The following NR5A1 variants were observed in gnomAD, a reference collection of about 807,000 sequenced individuals.
The protein encoded by NR5A1 is nuclear receptor subfamily 5 group A member 1, also known as steroidogenic factor 1.
In NR5A1, 6 loss-of-function variants were observed where a neutral mutation model predicts 42.7. That is an observed-to-expected ratio of 0.14 (90% CI 0.08 to 0.28). The LOEUF (loss-of-function observed/expected upper bound fraction) is 0.28. NR5A1 is among the 10% of genes least tolerant of loss of function. The pLI, the probability that NR5A1 is intolerant of heterozygous loss-of-function variation, is 1.00. For missense variants in NR5A1, 442 were observed against 626.4 expected, an observed-to-expected ratio of 0.71 and a Z score of 3.14; for synonymous variants, 274 against 277.5, an observed-to-expected ratio of 0.99 and a Z score of 0.12.
rs550776591 is a variant in NR5A1 at position 124,496,416 on chromosome 9, A to C, written c.871-3267T>G. Among the ~76,000 whole-genome samples the C allele has an allele frequency of 6.6e-6, 1 of 151,958 alleles. No homozygotes were observed. The highest frequency in any genetic ancestry group is 2.4e-5 in the African/African-American group (1 of 41,402). On this transcript the variant is annotated intron_variant, in intron 4 of 6. Coordinates refer to ENST00000373588, the MANE Select transcript of NR5A1 (RefSeq NM_004959.5). The surrounding 1 kb of genome is among the most constrained non-coding windows in gnomAD (Gnocchi z 5.0). Reference sequence around the variant, plus strand: ...TGCAGCCCCAGCCCTTGGGTCTCCCACCAGCCTGGCCTGTCTGCTGGGCAC... The same window carrying C: ...TGCAGCCCCAGCCCTTGGGTCTCCCCCCAGCCTGGCCTGTCTGCTGGGCAC...
At chr9:124,494,125 C>T (rs1272192972) in intron 4 of NR5A1, among the ~76,000 whole-genome samples, 1 of 152,244 alleles carries the variant, frequency 6.6e-6, no homozygotes, top group Non-Finnish European at 1.5e-5. Context: ...CCCTCTCAGC[C>T]CGTGCCACTC....
chr9:124,503,497 C>A lies in NR5A1; in HGVS notation c.-15-87G>T. 3 of 1,118,666 alleles carry A rather than the reference C, an allele frequency of 2.7e-6. No individual in the cohort carries two copies. The highest frequency in any genetic ancestry group is 3.8e-6 in the Non-Finnish European group (3 of 797,442). 69.3% of individuals were successfully genotyped at this position (1,118,666 alleles called of 1,614,324 possible). A position where few individuals can be genotyped will look rare whatever the true frequency, so the allele number is the denominator to read the frequency against. ...CCGCCGCCCCAGCCGCTGTCGCCGGCCCGTCGCGTAATCCCCTCTCTGTGC... is the reference window on the plus strand; with the variant it reads ...CCGCCGCCCCAGCCGCTGTCGCCGGACCGTCGCGTAATCCCCTCTCTGTGC... On this transcript the variant is annotated intron_variant, in intron 1 of 6. Transcript: ENST00000373588. The surrounding 1 kb of genome is among the most constrained non-coding windows in gnomAD (Gnocchi z 9.6).
intron 6 of NR5A1, 45 bp downstream of exon 6, chr9:124,491,036 C>CCCCCCCCGGGGGGT: frequency 7.1e-7 from 1 of 1,401,600 alleles, no homozygotes; most frequent in Non-Finnish European, 9.6e-7. Context: ...CCCACCCACC[C>CCCCCCCCGGGGGGT]GCCTCTGGCT....
At chr9:124,486,651 C>G (rs1056211228) in intron 6 of NR5A1, among the ~76,000 whole-genome samples, 5 of 152,214 alleles carry the variant, frequency 3.3e-5, no homozygotes, top group African/African-American at 7.2e-5. Context: ...GACTTGCCTT[C>G]CTCCTCATCT....
At chr9:124,484,341 G>T (rs1239067583) in intron 6 of NR5A1, among the ~76,000 whole-genome samples, 1 of 152,220 alleles carries the variant, frequency 6.6e-6, no homozygotes, top group African/African-American at 2.4e-5. Flanking sequence ...TGTGCAATAG[G>T]CAGAAGTCAG....
Position 124,504,024 on chromosome 9 carries a change from C to CAGAGAGAG in NR5A1, c.-15-622_-15-615dup, listed in dbSNP as rs150663190. ...GGAGGGATGGAGAGAGACAGGGAGA[C>CAGAGAGAG]AGAGAGAGAGAGAGAGAGAGAGAGA... is the stretch of plus-strand genomic sequence containing the variant. On this transcript the variant is annotated intron_variant, in intron 1 of 6. Transcript: ENST00000373588. Among the ~76,000 whole-genome samples the CAGAGAGAG allele has an allele frequency of 3.4e-4, 36 of 105,938 alleles. 1 individual carries two copies. Among genetic ancestry groups the CAGAGAGAG allele is most frequent in the South Asian group, 8.7e-4 (3 of 3,462 alleles). 69.5% of individuals were successfully genotyped at this position (105,938 alleles called of 152,430 possible). A position where few individuals can be genotyped will look rare whatever the true frequency, so the allele number is the denominator to read the frequency against.
chr9:124,500,645 C>G lies in NR5A1; in HGVS notation c.315G>C (p.Leu105=), dbSNP rs776942073. ...GAATCTGTGCCTTCTTCTGCTGTTT[C>G]AGGGCCCGGTCCCGCTTGTACATCG... ...FGPMYKRDRA[L]KQQKKAQIRA... The change falls in exon 4 of 7, where the codon CTG becomes CTC. Residue 105 remains leucine (L), a synonymous_variant. Coordinates refer to ENST00000373588, the MANE Select transcript of NR5A1 (RefSeq NM_004959.5). The surrounding 1 kb of genome is among the most constrained non-coding windows in gnomAD (Gnocchi z 6.9). 8.1e-6 allele frequency: 13 copies of G among 1,613,406 alleles called. No homozygotes were observed. The highest frequency in any genetic ancestry group is 1.1e-5 in the South Asian group (1 of 91,082).
intron 1 of NR5A1, among the ~76,000 whole-genome samples, chr9:124,504,398 C>T (rs959267511): frequency 3.9e-5 from 6 of 152,054 alleles, no homozygotes; most frequent in Non-Finnish European, 5.9e-5. Flanking sequence ...ACGACGGCGC[C>T]GGGACCGAGA....
At chr9:124,506,145 G>A (rs1832556073) in intron 1 of NR5A1, among the ~76,000 whole-genome samples, 1 of 152,194 alleles carries the variant, frequency 6.6e-6, no homozygotes, top group Non-Finnish European at 1.5e-5. Flanking sequence ...AGAACCCCCC[G>A]CGCAGACCGC....
At chr9:124,505,162 C>T (rs1433656289) in intron 1 of NR5A1, among the ~76,000 whole-genome samples, 2 of 152,302 alleles carry the variant, frequency 1.3e-5, no homozygotes. Flanking sequence ...GCTCCCCGGA[C>T]CCCGAGCGCG....
Position 124,488,547 on chromosome 9 carries a change from A to G in NR5A1, c.1138+2534T>C, listed in dbSNP as rs1832256835. Among the ~76,000 whole-genome samples the G allele has an allele frequency of 2.0e-5, 3 of 152,192 alleles. No homozygotes were observed. In the South Asian group the frequency reaches 6.2e-4, roughly 32 times the overall value. ...GTGAGCTGCTTCATTCATTCACTTC[A>G]TTCTTTCACTTACGCATATGCACAT... On this transcript the variant is annotated intron_variant, in intron 6 of 6. Transcript: ENST00000373588.
At position 124,500,986 on chromosome 9, in the gene NR5A1, C is replaced by A. The variant is rs767493778; in HGVS notation, c.245-271G>T. 5.6e-6 allele frequency: 4 copies of A among 712,170 alleles called. No homozygotes were observed. Among genetic ancestry groups the A allele is most frequent in the Admixed American group, 2.0e-5 (1 of 49,708 alleles). 44.1% of individuals were successfully genotyped at this position (712,170 alleles called of 1,614,324 possible). A position where few individuals can be genotyped will look rare whatever the true frequency, so the allele number is the denominator to read the frequency against. On this transcript the variant is annotated intron_variant, in intron 3 of 6. Coordinates refer to ENST00000373588, the MANE Select transcript of NR5A1 (RefSeq NM_004959.5). This position sits in a 1 kb window ranked among gnomAD's most constrained non-coding sequence, Gnocchi z 6.9. ...TTTGACACATCTCCTTCCTCCTCCACCCTGCCTTTCATTTTCCTTCTGACT... is the reference window on the plus strand; with the variant it reads ...TTTGACACATCTCCTTCCTCCTCCAACCTGCCTTTCATTTTCCTTCTGACT...
At chr9:124,502,552 C>T (rs1181971070) in intron 3 of NR5A1, among the ~76,000 whole-genome samples, 7 of 152,174 alleles carry the variant, frequency 4.6e-5, no homozygotes, top group Admixed American at 3.9e-4. Context: ...TGGTCTTAAA[C>T]TTCTGGGCTC....
At chr9:124,502,625 G>C (rs1375497690) in intron 3 of NR5A1, among the ~76,000 whole-genome samples, 1 of 152,224 alleles carries the variant, frequency 6.6e-6, no homozygotes, top group Non-Finnish European at 1.5e-5. Context: ...GCTCCATCCG[G>C]CCAAGCCCAT....
intron 6 of NR5A1, among the ~76,000 whole-genome samples, chr9:124,483,500 C>T (rs969313560): frequency 1.3e-5 from 2 of 152,244 alleles, no homozygotes; most frequent in Admixed American, 6.5e-5. Flanking sequence ...CTCTGAAGAA[C>T]AGTGTCTGGC....
intron 4 of NR5A1, among the ~76,000 whole-genome samples, chr9:124,494,389 T>G (rs1046669854): frequency 3.3e-5 from 5 of 152,140 alleles, no homozygotes; most frequent in African/African-American, 1.2e-4. Context: ...CTCCTTGCCA[T>G]CCAGGAGTTC....
chr9:124,491,039 C>CCCCCAGGGG, intron 6 of NR5A1, 42 bp downstream of exon 6: 1 of 1,496,960 alleles, frequency 6.7e-7, no homozygotes, highest in Non-Finnish European at 9.0e-7. Flanking sequence ...ACCCACCCGC[C>CCCCCAGGGG]TCTGGCTGTC....
chr9:124,497,128 G>C (rs2131283799), intron 4 of NR5A1, among the ~76,000 whole-genome samples: 1 of 152,346 alleles, frequency 6.6e-6, no homozygotes, highest in African/African-American at 2.4e-5. Flanking sequence ...TAGCTAAGGG[G>C]AAGAGAGGAA....
Position 124,482,723 on chromosome 9 carries a change from C to T in NR5A1, c.*35G>A. On this transcript the variant is annotated 3_prime_UTR_variant, in exon 7 of 7. Coordinates refer to ENST00000373588, the MANE Select transcript of NR5A1 (RefSeq NM_004959.5). ...CCCCGCCCAGGCCCCGCCCCCAGTC[C>T]CGCCCCCAGTCCCGGCCCCGCCCCC... The T allele has an allele frequency of 2.6e-6, 2 of 773,674 alleles. No individual in the cohort carries two copies. The highest frequency in any genetic ancestry group is 4.0e-6 in the Non-Finnish European group (2 of 500,032). The allele number at this position is 773,674 out of a possible 1,614,324, so 47.9% of individuals were successfully genotyped here. A position where few individuals can be genotyped will look rare whatever the true frequency, so the allele number is the denominator to read the frequency against.
Sources: gnomAD v4.1 joint callset for allele counts (sites outside exome capture counted in the v4.1 genomes callset) on GRCh38, gnomAD v4.1.1 for gene constraint, Gnocchi (gnomAD v3.1) non-coding constraint, MANE v1.5 for transcripts, NCBI Gene and HGNC (gene_info 2026-07-23, HGNC 2026-07-21) for gene names.